The following PCDHGB4 variants were observed in gnomAD, a reference collection of about 807,000 sequenced individuals.
PCDHGB4 encodes the protein protocadherin gamma subfamily B, 4.
PCDHGB4 carries 38 observed loss-of-function variants against 60.5 expected under a neutral mutation model. The ratio of observed to expected loss-of-function variants is 0.63; its 90% CI spans 0.48 to 0.82. The LOEUF (loss-of-function observed/expected upper bound fraction) is 0.82. Ranked by LOEUF, PCDHGB4 falls within the 40% of genes least tolerant of loss-of-function variation. The pLI is 0.00. For synonymous variants in PCDHGB4, 456 were observed against 509.7 expected (o/e 0.89, Z 1.42); for missense variants, 1,109 against 1,209.6 (o/e 0.92, Z 1.23).
At chr5:141,495,356 C>A (rs889897990) in intron 2 of PCDHGB4, among the ~76,000 whole-genome samples, 3 of 152,222 alleles carry the variant, frequency 2.0e-5, no homozygotes, top group Non-Finnish European at 4.4e-5. Flanking sequence ...GGCAGCACAG[C>A]TGGAGGTGGA....
At position 141,432,319 on chromosome 5, in the gene PCDHGB4, C is replaced by A; in HGVS notation, c.2397+42038C>A. The A allele has an allele frequency of 6.2e-7, 1 of 1,614,264 alleles. No individual in the cohort carries two copies. Among genetic ancestry groups the A allele is most frequent in the South Asian group, 1.1e-5 (1 of 91,088 alleles). ...GGGTACTGTATGCGCTGAGCTCCTTCGACTACGAGCAGTTCCGAGACTTGC... is the reference window on the plus strand; with the variant it reads ...GGGTACTGTATGCGCTGAGCTCCTTAGACTACGAGCAGTTCCGAGACTTGC... On this transcript the variant is annotated intron_variant, in intron 1 of 3. Transcript: ENST00000519479. The surrounding 1 kb of genome is among the most constrained non-coding windows in gnomAD (Gnocchi z 6.0).
chr5:141,448,179 G>C (rs763996329), intron 1 of PCDHGB4, among the ~76,000 whole-genome samples: 1 of 151,982 alleles, frequency 6.6e-6, no homozygotes, highest in Non-Finnish European at 1.5e-5. Context: ...ATTCATCCCT[G>C]GTTATGTACA....
intron 1 of PCDHGB4, among the ~76,000 whole-genome samples, chr5:141,454,062 A>T (rs548960162): frequency 6.6e-6 from 1 of 152,380 alleles, no homozygotes; most frequent in East Asian, 1.9e-4. Context: ...CAAAGAAACA[A>T]AAGTGATAAT....
intron 2 of PCDHGB4, among the ~76,000 whole-genome samples, chr5:141,495,471 G>A (rs2099761632): frequency 6.6e-6 from 1 of 152,190 alleles, no homozygotes; most frequent in Non-Finnish European, 1.5e-5. Context: ...TGGGGTCTCC[G>A]TGTCTCTGCC....
chr5:141,406,406 C>T (rs976555739), intron 1 of PCDHGB4, among the ~76,000 whole-genome samples: 18 of 152,174 alleles, frequency 1.2e-4, no homozygotes, highest in Non-Finnish European at 1.8e-4. Context: ...CTTAGAGAAA[C>T]AGCTGAAAGC....
In PCDHGB4 at chr5:141,475,486, T is replaced by C. The variant is rs576743657; in HGVS notation, c.2398-19321T>C. Among the ~76,000 whole-genome samples, 14 of 152,370 alleles carry C rather than the reference T, an allele frequency of 9.2e-5. No homozygotes were observed. In the East Asian group the frequency reaches 2.7e-3, roughly 29 times the overall value. On this transcript the variant is annotated intron_variant, in intron 1 of 3. Transcript: ENST00000519479. ...AATGCTAATTTCATTTGGTAAGAGA[T>C]AAAACTGAAATTATTAATGTCTCCA...
At chr5:141,413,025 A>G in intron 1 of PCDHGB4, 1 of 740,544 alleles carries the variant, frequency 1.4e-6, no homozygotes, top group Non-Finnish European at 2.1e-6. Context: ...CAAGCCCCAC[A>G]AACCGGCTGC....
At chr5:141,396,015 T>C (rs1243437259) in intron 1 of PCDHGB4, 1 of 152,252 alleles carries the variant, frequency 6.6e-6, no homozygotes, top group South Asian at 2.1e-4. Context: ...AAAGTGACTT[T>C]TGTAAAATAT....
At chr5:141,408,971 C>G (rs763728764) in intron 1 of PCDHGB4, 4 of 1,613,698 alleles carry the variant, frequency 2.5e-6, no homozygotes, top group Non-Finnish European at 3.4e-6. Flanking sequence ...AAATCTGCCC[C>G]CTGGGTCCCC....
At position 141,409,894 on chromosome 5, in the gene PCDHGB4, C is replaced by A. The variant is rs1440813020; in HGVS notation, c.2397+19613C>A. The A allele has an allele frequency of 2.5e-6, 4 of 1,613,196 alleles. No homozygotes were observed. In the Admixed American group the frequency reaches 5.0e-5, roughly 20 times the overall value. ...ATGACAACGCACCGCGGGTGCTGTACCCAGCTCTGGGTCCTGACGGCTCCG... is the reference window on the plus strand; with the variant it reads ...ATGACAACGCACCGCGGGTGCTGTAACCAGCTCTGGGTCCTGACGGCTCCG... On this transcript the variant is annotated intron_variant, in intron 1 of 3. Transcript: ENST00000519479.
At chr5:141,492,548 C>A (rs1028674110) in intron 1 of PCDHGB4, among the ~76,000 whole-genome samples, 1 of 152,218 alleles carries the variant, frequency 6.6e-6, no homozygotes, top group Non-Finnish European at 1.5e-5. Flanking sequence ...TGGGCCGGGT[C>A]GCCTGGGGGG....
chr5:141,390,645 G>C (rs1287845868), intron 1 of PCDHGB4: 1 of 218,998 alleles, frequency 4.6e-6, no homozygotes, highest in Admixed American at 5.3e-5. Context: ...ACTTTTTTCA[G>C]CTTGGATATA....
intron 1 of PCDHGB4, among the ~76,000 whole-genome samples, chr5:141,453,315 T>A (rs1410108522): frequency 6.6e-6 from 1 of 151,214 alleles, no homozygotes; most frequent in African/African-American, 2.5e-5. Context: ...TTATTTATTT[T>A]AGAGATGGGG....
chr5:141,405,394 C>T, intron 1 of PCDHGB4: 4 of 1,593,132 alleles, frequency 2.5e-6, no homozygotes, highest in Non-Finnish European at 3.4e-6. Context: ...CATTTTTTTT[C>T]TTTCTTTCTT....
At position 141,409,239 on chromosome 5, in the gene PCDHGB4, A is replaced by C. The variant is rs1330242516; in HGVS notation, c.2397+18958A>C. The C allele has an allele frequency of 5.0e-6, 8 of 1,613,920 alleles. No individual in the cohort carries two copies. In the Admixed American group the frequency reaches 1.3e-4, roughly 27 times the overall value. On this transcript the variant is annotated intron_variant, in intron 1 of 3. Transcript: ENST00000519479. ...CTTGATGAAAACGACAACAGCCCAG[A>C]AATAATCATCACTTCTCTCTCTGAT... is the stretch of plus-strand genomic sequence containing the variant.
chr5:141,427,871 G>A (rs762885351), intron 1 of PCDHGB4: 1 of 1,559,530 alleles, frequency 6.4e-7, no homozygotes, highest in South Asian at 1.1e-5. Flanking sequence ...TCGAGCTCAC[G>A]ATGCAGGCCC....
At chr5:141,452,256 C>T (rs533770410) in intron 1 of PCDHGB4, among the ~76,000 whole-genome samples, 1 of 152,298 alleles carries the variant, frequency 6.6e-6, no homozygotes, top group African/African-American at 2.4e-5. Flanking sequence ...CCATAACTCT[C>T]TCATTTTCTT....
Position 141,418,052 on chromosome 5 carries a change from G to A in PCDHGB4, c.2397+27771G>A, listed in dbSNP as rs202112422. 1.2e-3 allele frequency: 1,918 copies of A among 1,613,866 alleles called. 6 individuals are homozygous for A. Among genetic ancestry groups the A allele is most frequent in the East Asian group, 2.1e-3 (96 of 44,758 alleles). On this transcript the variant is annotated intron_variant, in intron 1 of 3. Coordinates refer to ENST00000519479, the MANE Select transcript of PCDHGB4 (RefSeq NM_003736.4). ...TAGTGTCCTGGATGTGTCGGCTCGC[G>A]AGCTGCGAGTGAGCGCGGAGAAGCT...
At position 141,394,009 on chromosome 5, in the gene PCDHGB4, G is replaced by C. The variant is rs1554094356; in HGVS notation, c.2397+3728G>C. The C allele has an allele frequency of 1.2e-6, 2 of 1,613,394 alleles. No homozygotes were observed. Among genetic ancestry groups the C allele is most frequent in the Admixed American group, 3.3e-5 (2 of 59,950 alleles). On this transcript the variant is annotated intron_variant, in intron 1 of 3. Coordinates refer to ENST00000519479, the MANE Select transcript of PCDHGB4 (RefSeq NM_003736.4). ...CCTTTTAAATTAGAAAAGTCAATAG[G>C]TAATTATTATAGATTAGTGACAAGG... is the stretch of plus-strand genomic sequence containing the variant.
Sources: allele counts gnomAD v4.1 joint callset (sites outside exome capture counted in the v4.1 genomes callset), GRCh38; gene constraint gnomAD v4.1.1; non-coding constraint Gnocchi (gnomAD v3.1); transcripts MANE v1.5; gene names NCBI Gene and HGNC (gene_info 2026-07-23, HGNC 2026-07-21).